The following EPG5 variants were observed in gnomAD, a reference collection of about 807,000 sequenced individuals.
EPG5 encodes ectopic P granules protein 5 homolog.
A neutral mutation model predicts 302.7 loss-of-function variants in EPG5; 159 were observed. The ratio of observed to expected loss-of-function variants is 0.53; its 90% CI spans 0.46 to 0.60. The LOEUF (loss-of-function observed/expected upper bound fraction) is 0.60. Among genes scored for constraint, EPG5 ranks in the 20% least tolerant of loss-of-function variants. The probability of loss-of-function intolerance (pLI) is 0.00; values close to 1 mark genes in which losing one functional copy is unlikely to be tolerated. For synonymous variants in EPG5, 1,158 were observed against 1,136.8 expected (o/e 1.02, Z -0.37); for missense variants, 2,896 against 3,092.4 (o/e 0.94, Z 1.51).
intron 39 of EPG5, among the ~76,000 whole-genome samples, chr18:45,863,903 A>G (rs1301196729): frequency 6.6e-6 from 1 of 152,052 alleles, no homozygotes; most frequent in African/African-American, 2.4e-5. Context: ...TTCTTTCCAT[A>G]TATCCTACTT....
At chr18:45,855,475 GCATCATGT>G in intron 43 of EPG5, 90 bp downstream of exon 43, 1 of 786,446 alleles carries the variant, frequency 1.3e-6, no homozygotes, top group Admixed American at 2.2e-5. Flanking sequence ...CCACCACAGA[GCATCATGT>G]CATGACGCGC....
the EPG5 span, among the ~76,000 whole-genome samples, chr18:45,807,277 T>C: frequency 2.6e-5 from 4 of 152,116 alleles, no homozygotes; most frequent in Middle Eastern, 3.2e-3. Flanking sequence ...CCCCACACAA[T>C]GGTCCTTCCC....
At position 45,929,015 on chromosome 18, in the gene EPG5, T is replaced by A. The variant is rs779751564; in HGVS notation, c.2413-6A>T. 6.2e-7 allele frequency: 1 copy of A among 1,612,918 alleles called. No individual in the cohort carries two copies. ...GACAAGGTGACATAAGATACCTAAA[T>A]GGGGGGAAGGGGGAAGAAGATGGCA... On this transcript the variant is annotated splice_region_variant and splice_polypyrimidine_tract_variant and intron_variant, in intron 12 of 43. Transcript: ENST00000282041.
intron 24 of EPG5, among the ~76,000 whole-genome samples, chr18:45,906,838 T>C (rs2049763306): frequency 1.3e-5 from 2 of 152,150 alleles, no homozygotes; most frequent in Non-Finnish European, 2.9e-5. Context: ...TATTTTTTAG[T>C]AGAGATGGGG....
the EPG5 span, among the ~76,000 whole-genome samples, chr18:45,802,948 G>A: frequency 6.6e-6 from 1 of 152,146 alleles, no homozygotes; most frequent in African/African-American, 2.4e-5. Context: ...GGCATAGTGA[G>A]TCACTCACAG....
chr18:45,825,596 C>A, the EPG5 span: 2 of 856,212 alleles, frequency 2.3e-6, no homozygotes, highest in South Asian at 1.5e-5. Flanking sequence ...TCCCGCAGAG[C>A]CCACAGGGAC....
intron 24 of EPG5, among the ~76,000 whole-genome samples, chr18:45,906,713 G>C (rs2049760199): frequency 6.6e-6 from 1 of 151,774 alleles, no homozygotes; most frequent in Non-Finnish European, 1.5e-5. Context: ...GGAGTGCAGT[G>C]GTGCAATCTC....
At chr18:45,959,632 G>A (rs1329359762) in intron 1 of EPG5, among the ~76,000 whole-genome samples, 2 of 150,898 alleles carry the variant, frequency 1.3e-5, no homozygotes, top group African/African-American at 2.4e-5. Flanking sequence ...GGGTGGGGGC[G>A]GGGTGGCAAC....
chr18:45,940,111 A>T (rs1454703006), intron 9 of EPG5, among the ~76,000 whole-genome samples: 5 of 152,228 alleles, frequency 3.3e-5, no homozygotes, highest in Admixed American at 3.3e-4. Flanking sequence ...CTTACTAAAG[A>T]GGGACATTTG....
intron 35 of EPG5, among the ~76,000 whole-genome samples, chr18:45,873,776 A>G (rs950758374): frequency 1.2e-4 from 19 of 152,192 alleles, no homozygotes; most frequent in African/African-American, 4.6e-4. Context: ...TTCTATGAAG[A>G]GTTTACACCT....
intron 16 of EPG5, among the ~76,000 whole-genome samples, chr18:45,922,071 C>T (rs532456240): frequency 2.6e-5 from 4 of 151,652 alleles, no homozygotes; most frequent in Non-Finnish European, 4.4e-5. Context: ...GAAGACAGTA[C>T]GAATCTACTG....
chr18:45,912,112 G>C (rs1251279927), intron 22 of EPG5, among the ~76,000 whole-genome samples, 178 bp downstream of exon 22: 1 of 151,808 alleles, frequency 6.6e-6, no homozygotes, highest in African/African-American at 2.4e-5. Context: ...CAAGACACCA[G>C]CAACTCAATA....
the EPG5 span, chr18:45,838,836 C>G: frequency 1.3e-6 from 2 of 1,568,924 alleles, no homozygotes; most frequent in East Asian, 4.7e-5. Context: ...CGGCCCTGGG[C>G]AACAGCTTGG....
chr18:45,958,580 A>C (rs2051080905), intron 1 of EPG5, among the ~76,000 whole-genome samples: 1 of 152,232 alleles, frequency 6.6e-6, no homozygotes, highest in Admixed American at 6.5e-5. Context: ...AATTTGAACA[A>C]ATGGTGCTAC....
intron 2 of EPG5, chr18:45,953,899 T>C (rs2050965986): frequency 6.1e-6 from 6 of 985,282 alleles, no homozygotes; most frequent in Non-Finnish European, 7.2e-6. Context: ...CTTCTCAACC[T>C]TGACACTCTC....
chr18:45,948,109 A>G (rs2050826868), intron 6 of EPG5, among the ~76,000 whole-genome samples: 2 of 152,098 alleles, frequency 1.3e-5, no homozygotes, highest in Admixed American at 1.3e-4. Flanking sequence ...AGTTACCATG[A>G]AACACTCTGA....
intron 9 of EPG5, among the ~76,000 whole-genome samples, chr18:45,941,881 A>G (rs974726778): frequency 1.3e-5 from 2 of 152,154 alleles, no homozygotes; most frequent in African/African-American, 2.4e-5. Flanking sequence ...CCTCCCTCCC[A>G]CTGTCTCATT....
At chr18:45,927,456 C>T (rs1025121589) in intron 13 of EPG5, among the ~76,000 whole-genome samples, 1 of 152,166 alleles carries the variant, frequency 6.6e-6, no homozygotes, top group African/African-American at 2.4e-5. Context: ...CTACTTCTCA[C>T]ATGCCCAAAA....
chr18:45,898,350 TAA>T (rs2049527046), intron 27 of EPG5, among the ~76,000 whole-genome samples: 1 of 152,222 alleles, frequency 6.6e-6, no homozygotes, highest in Non-Finnish European at 1.5e-5. Context: ...GAAATGAAGA[TAA>T]TATGATAAAG....
Sources: allele counts gnomAD v4.1 joint callset (sites outside exome capture counted in the v4.1 genomes callset), GRCh38; gene constraint gnomAD v4.1.1; transcripts MANE v1.5; gene names NCBI Gene and HGNC (gene_info 2026-07-23, HGNC 2026-07-21).